BORCS5: variants seen among roughly 807,000 people sequenced by gnomAD.
BORCS5 encodes BLOC-1-related complex subunit 5.
Under a neutral mutation model 22.1 loss-of-function variants are expected in BORCS5, and 17 were observed. The ratio of observed to expected loss-of-function variants is 0.77; its 90% CI spans 0.53 to 1.15. The LOEUF (loss-of-function observed/expected upper bound fraction) is 1.15. BORCS5 is among the 50% of genes most tolerant of loss of function. The pLI is 0.00. For missense variants in BORCS5, 247 were observed against 253.2 expected (o/e 0.98, Z 0.17); for synonymous variants, 117 against 99.8 (o/e 1.17, Z -1.03).
intron 3 of BORCS5, among the ~76,000 whole-genome samples, chr12:12,460,892 T>G (rs1263802657): frequency 1.3e-5 from 2 of 152,214 alleles, no homozygotes; most frequent in African/African-American, 2.4e-5. Flanking sequence ...GTTAATATTT[T>G]GAGTTCATGT....
At chr12:12,370,020 C>T (rs149745511) in intron 2 of BORCS5, among the ~76,000 whole-genome samples, 378 of 151,730 alleles carry the variant, frequency 2.5e-3, no homozygotes, top group African/African-American at 8.6e-3. Context: ...CCACCACGCC[C>T]GGCCCACCTT....
chr12:12,435,599 A>G (rs375957186), intron 2 of BORCS5, 29 bp from the exon 3 acceptor site: 2 of 1,584,766 alleles, frequency 1.3e-6, no homozygotes, highest in Non-Finnish European at 1.7e-6. Context: ...AGTAATTTTA[A>G]TTTCATTTCA....
intron 3 of BORCS5, among the ~76,000 whole-genome samples, chr12:12,456,702 A>G (rs769547382): frequency 7.9e-5 from 12 of 152,066 alleles, no homozygotes; most frequent in Non-Finnish European, 1.8e-4. Flanking sequence ...ATGGCTAAAC[A>G]TATAGATTAA....
chr12:12,381,978 A>G (rs1863783878), intron 2 of BORCS5, among the ~76,000 whole-genome samples: 1 of 151,384 alleles, frequency 6.6e-6, no homozygotes, highest in Non-Finnish European at 1.5e-5. Flanking sequence ...ATTTAGAATT[A>G]TTATATCTTC....
At chr12:12,415,269 G>C (rs1213387995) in intron 2 of BORCS5, among the ~76,000 whole-genome samples, 2 of 150,772 alleles carry the variant, frequency 1.3e-5, no homozygotes, top group Admixed American at 1.3e-4. Context: ...ATTGAGCACT[G>C]AGTGAACGAG....
chr12:12,413,556 C>T (rs904158296), intron 2 of BORCS5, among the ~76,000 whole-genome samples: 3 of 145,082 alleles, frequency 2.1e-5, no homozygotes, highest in South Asian at 4.3e-4. Flanking sequence ...TCCACAAAAC[C>T]GCCATTGTCA....
At chr12:12,393,863 A>G (rs1941266292) in intron 2 of BORCS5, among the ~76,000 whole-genome samples, 1 of 151,882 alleles carries the variant, frequency 6.6e-6, no homozygotes, top group South Asian at 2.1e-4. Context: ...TATCTCTCAT[A>G]TAATACATGC....
chr12:12,405,726 T>C (rs1031546562), intron 2 of BORCS5, among the ~76,000 whole-genome samples: 1 of 152,250 alleles, frequency 6.6e-6, no homozygotes, highest in African/African-American at 2.4e-5. Flanking sequence ...GTTTATTGTT[T>C]TCCAAAGGAT....
Position 12,462,475 on chromosome 12 carries a change from C to T in BORCS5, c.361-3071C>T, listed in dbSNP as rs115515159. 2.1e-3 allele frequency among the ~76,000 whole-genome samples: 317 copies of T among 152,132 alleles called. 2 individuals carry two copies. The highest frequency in any genetic ancestry group is 6.9e-3 in the African/African-American group (288 of 41,516). On this transcript the variant is annotated intron_variant, in intron 3 of 3. Transcript: ENST00000314565. ...ACATAGATACTGGGTCGAGGGTAGC[C>T]CTTAAACCTAGGTGGTCTGACTCCT...
At chr12:12,378,678 G>T (rs1863710213) in intron 2 of BORCS5, among the ~76,000 whole-genome samples, 1 of 151,050 alleles carries the variant, frequency 6.6e-6, no homozygotes, top group Non-Finnish European at 1.5e-5. Flanking sequence ...ATGTTAGTGG[G>T]AAAAAAGGGC....
At chr12:12,418,514 C>G (rs1367591791) in intron 2 of BORCS5, among the ~76,000 whole-genome samples, 3 of 151,984 alleles carry the variant, frequency 2.0e-5, no homozygotes, top group Non-Finnish European at 4.4e-5. Context: ...GTTAGACCCC[C>G]ATCTCTACAA....
At chr12:12,417,603 GTGTT>G (rs1942003461) in intron 2 of BORCS5, among the ~76,000 whole-genome samples, 1 of 152,044 alleles carries the variant, frequency 6.6e-6, no homozygotes, top group Non-Finnish European at 1.5e-5. Flanking sequence ...AATTTTGTCA[GTGTT>G]TGCTTGACAA....
In BORCS5 at chr12:12,469,598, T is replaced by TA. The variant is rs1943257142; in HGVS notation, c.*3823dup. 1 of 152,242 alleles carries TA rather than the reference T, an allele frequency of 6.6e-6. No homozygotes were observed. Among genetic ancestry groups the TA allele is most frequent in the African/African-American group, 2.4e-5 (1 of 41,460 alleles). The allele number at this position is 152,242 out of a possible 1,614,324, so 9.4% of individuals were successfully genotyped here. On this transcript the variant is annotated 3_prime_UTR_variant, in exon 4 of 4. Transcript: ENST00000314565. ...CACTTTTGTGTTGATTTGTAGAACTTACTTAGCTTTGGCATTTCCCCTAGT... is the reference window on the plus strand; with the variant it reads ...CACTTTTGTGTTGATTTGTAGAACTTAACTTAGCTTTGGCATTTCCCCTAGT...
intron 3 of BORCS5, among the ~76,000 whole-genome samples, chr12:12,452,978 T>C (rs969072872): frequency 1.3e-5 from 2 of 152,198 alleles, no homozygotes; most frequent in Admixed American, 1.3e-4. Flanking sequence ...TTTGTGGCAA[T>C]GGGCCTCCTA....
intron 2 of BORCS5, among the ~76,000 whole-genome samples, chr12:12,428,994 G>T (rs543980905): frequency 6.6e-6 from 1 of 152,288 alleles, no homozygotes; most frequent in African/African-American, 2.4e-5. Context: ...TAAAATAGGA[G>T]TATAAATCCA....
chr12:12,446,344 C>A (rs1019976147), intron 3 of BORCS5, among the ~76,000 whole-genome samples: 1 of 152,046 alleles, frequency 6.6e-6, no homozygotes, highest in Admixed American at 6.5e-5. Context: ...CAGAAAGGAA[C>A]TTTTAATATA....
chr12:12,364,681 T>C (rs1201304178), intron 2 of BORCS5, among the ~76,000 whole-genome samples: 3 of 152,100 alleles, frequency 2.0e-5, no homozygotes, highest in Admixed American at 6.5e-5. Flanking sequence ...AAGTCATCAC[T>C]GAGGGCTGGC....
At chr12:12,432,792 G>A (rs959971207) in intron 2 of BORCS5, among the ~76,000 whole-genome samples, 6 of 152,170 alleles carry the variant, frequency 3.9e-5, no homozygotes, top group Non-Finnish European at 8.8e-5. Context: ...CTTACATCAT[G>A]TATTATTTCA....
At chr12:12,369,450 A>G (rs2136026213) in intron 2 of BORCS5, among the ~76,000 whole-genome samples, 1 of 151,940 alleles carries the variant, frequency 6.6e-6, no homozygotes, top group African/African-American at 2.4e-5. Flanking sequence ...TTCATTTTCT[A>G]TTTGTGCTGT....
Sources: allele counts gnomAD v4.1 joint callset (sites outside exome capture counted in the v4.1 genomes callset), GRCh38; gene constraint gnomAD v4.1.1; transcripts MANE v1.5; gene names NCBI Gene and HGNC (gene_info 2026-07-23, HGNC 2026-07-21).